The following ZZEF1 variants were observed in gnomAD, a reference collection of about 807,000 sequenced individuals.
ZZEF1 encodes the protein zinc finger ZZ-type and EF-hand domain containing 1.
Under a neutral mutation model 342.8 loss-of-function variants are expected in ZZEF1, and 157 were observed. The observed-to-expected ratio is 0.46, with a 90% CI of 0.40 to 0.52. The LOEUF (loss-of-function observed/expected upper bound fraction) is 0.52, where lower values mean the gene tolerates loss of function less well. Ranked by LOEUF, ZZEF1 falls within the 20% of genes least tolerant of loss-of-function variation. ZZEF1 has a pLI of 0.00. For synonymous variants in ZZEF1, 1,505 were observed against 1,429.1 expected (o/e 1.05, Z -1.20); for missense variants, 3,480 against 3,725.6 (o/e 0.93, Z 1.72).
At chr17:4,084,739 A>G (rs1597868007) in intron 16 of ZZEF1, among the ~76,000 whole-genome samples, 1 of 152,322 alleles carries the variant, frequency 6.6e-6, no homozygotes, top group Non-Finnish European at 1.5e-5. Flanking sequence ...TACTAAAAGC[A>G]TTTTTCACCC....
In ZZEF1 at chr17:4,017,911, C is replaced by T; in HGVS notation, c.7566G>A (p.Gln2522=). The T allele has an allele frequency of 6.2e-7, 1 of 1,614,164 alleles. No individual in the cohort carries two copies. Among genetic ancestry groups the T allele is most frequent in the Non-Finnish European group, 8.5e-7 (1 of 1,180,056 alleles). The change falls in exon 47 of 55, where the codon CAG becomes CAA. Residue 2522 remains glutamine, a synonymous_variant. Transcript: ENST00000381638. This position sits in a 1 kb window ranked among gnomAD's most constrained non-coding sequence, Gnocchi z 5.1. ...CTTCCAGCCTCAGACTCTTACTGGG[C>T]TGCCACCGCTGAGCCAGGGACCGTA... ...ERIRSLAQRW[Q]PSKSLRLEEQ... is the part of the protein sequence containing the mutation.
At position 4,064,455 on chromosome 17, in the gene ZZEF1, C is replaced by T; in HGVS notation, c.4624G>A (p.Glu1542Lys). Reference sequence around the variant, plus strand: ...ACTGTGGGCACCAGTCTGGCCTCCTCCATGGATCGAAAGGAGAGCAGCCGG... The same window carrying T: ...ACTGTGGGCACCAGTCTGGCCTCCTTCATGGATCGAAAGGAGAGCAGCCGG... ...RLRLLSFRSM[E>K]EARLVPTVKE... is the part of the protein sequence containing the mutation. Residue 1542 changes from glutamate (E) to lysine (K), a missense_variant, in exon 29 of 55, where the codon GAG (glutamate) becomes AAG (lysine). Glu to Lys is a moderately conservative substitution (Grantham distance 56). Transcript: ENST00000381638. 6.2e-7 allele frequency: 1 copy of T among 1,614,172 alleles called. No individual in the cohort carries two copies. Among genetic ancestry groups the T allele is most frequent in the South Asian group, 1.1e-5 (1 of 91,074 alleles).
At chr17:4,072,351 T>G (rs2057526155) in intron 25 of ZZEF1, among the ~76,000 whole-genome samples, 1 of 152,158 alleles carries the variant, frequency 6.6e-6, no homozygotes, top group African/African-American at 2.4e-5. Context: ...GCCTGATAAC[T>G]CCATCAACAG....
rs540972283 is a variant in ZZEF1 at position 4,012,102 on chromosome 17, A to G, written c.8579+1347T>C. 7.2e-5 allele frequency among the ~76,000 whole-genome samples: 11 copies of G among 152,360 alleles called. No individual in the cohort carries two copies. In the South Asian group the frequency reaches 1.9e-3, roughly 26 times the overall value. ...GCCAGCAGACTGTGCAGGCTGCGGC[A>G]CAGGTCTTCTTTCCTGCTGCAGGCA... On this transcript the variant is annotated intron_variant, in intron 52 of 54. Transcript: ENST00000381638.
At position 4,014,784 on chromosome 17, in the gene ZZEF1, C is replaced by A. The variant is rs1295222750; in HGVS notation, c.8146-269G>T. Among the ~76,000 whole-genome samples, 1 of 152,106 alleles carries A rather than the reference C, an allele frequency of 6.6e-6. No individual in the cohort carries two copies. On this transcript the variant is annotated intron_variant, in intron 49 of 54. Coordinates refer to ENST00000381638, the MANE Select transcript of ZZEF1 (RefSeq NM_015113.4). The surrounding 1 kb of genome is among the most constrained non-coding windows in gnomAD (Gnocchi z 4.4). ...GAAGAGTGAAGAGGACAGGAGGACC[C>A]TGTTAGGAGAAGGCGGGAGTGGGAG...
Position 4,086,479 on chromosome 17 carries a change from TC to T in ZZEF1, c.2512+6del. On this transcript the variant is annotated splice_donor_region_variant and intron_variant, in intron 15 of 54. Coordinates refer to ENST00000381638, the MANE Select transcript of ZZEF1 (RefSeq NM_015113.4). ...GGTTGTATTAAAGAGAAAACCCAAA[TC>T]CCTACCATCACACAAGTGTGTGTAC... The T allele has an allele frequency of 6.2e-7, 1 of 1,613,962 alleles. No homozygotes were observed.
At chr17:4,102,669 G>A (rs1258532539) in intron 8 of ZZEF1, among the ~76,000 whole-genome samples, 1 of 152,020 alleles carries the variant, frequency 6.6e-6, no homozygotes, top group East Asian at 1.9e-4. Context: ...TCATTGTTCT[G>A]AAAAAAGGAC....
Position 4,049,856 on chromosome 17 carries a change from A to T in ZZEF1, c.5867T>A (p.Leu1956His), listed in dbSNP as rs2057007849. ...TACACCCAGCAAAGCTAGAGCTTTA[A>T]GGCCTATGTGGGAAGCAAATCAGAG... Reference protein sequence around the residue: ...CLMKAHQGKGLKALALLGVLP... With the variant: ...CLMKAHQGKGHKALALLGVLP... The change falls in exon 37 of 55, where the codon CTT (leucine) becomes CAT (histidine). Residue 1956 changes from leucine (L) to histidine (H), a missense_variant. Leu to His is a moderately conservative substitution (Grantham distance 99). This residue lies in a region of ZZEF1 where 1,269 missense variants were observed against 1,342.4 expected (regional missense o/e 0.95). Transcript: ENST00000381638. 6.2e-7 allele frequency: 1 copy of T among 1,613,976 alleles called. No homozygotes were observed. Among genetic ancestry groups the T allele is most frequent in the Non-Finnish European group, 8.5e-7 (1 of 1,179,948 alleles).
At chr17:4,108,645 T>C (rs1198207573) in intron 6 of ZZEF1, among the ~76,000 whole-genome samples, 10 of 152,168 alleles carry the variant, frequency 6.6e-5, no homozygotes, top group Non-Finnish European at 4.4e-5. Flanking sequence ...TGTTCTTGTT[T>C]ACAGGAAATA....
At position 4,081,447 on chromosome 17, in the gene ZZEF1, C is replaced by T. The variant is rs747789229; in HGVS notation, c.2758G>A (p.Asp920Asn). 2.5e-6 allele frequency: 4 copies of T among 1,614,036 alleles called. No individual in the cohort carries two copies. The Admixed American group carries it at 5.0e-5, about 20-fold the overall frequency. Residue 920 changes from aspartate (D) to asparagine (N), a missense_variant, in exon 18 of 55, where the codon GAC becomes AAC. Asp to Asn is a conservative substitution (Grantham distance 23, BLOSUM62 1). Around this residue, in one of 5 missense-constraint regions of ZZEF1, gnomAD observed 1,528 missense variants for 1,624.1 expected, o/e 0.94. Coordinates refer to ENST00000381638, the MANE Select transcript of ZZEF1 (RefSeq NM_015113.4). ...TCACTGATGTTCATCTTGGCCAGGT[C>T]GTTCTTCTCAGGTAAAAGAAGAAGG... ...GGLLLLPEKN[D>N]LAKMNISEVL...
chr17:4,066,839 A>ATCCTATTCTACTCTGAAT (rs2307581), intron 27 of ZZEF1, among the ~76,000 whole-genome samples: 75,038 of 151,756 alleles, frequency 0.49, 20,843 homozygotes, highest in African/African-American at 0.77. Flanking sequence ...CCAAAATTTC[A>ATCCTATTCTACTCTGAAT]GAGGGGACAT....
At chr17:4,124,099 AG>A in intron 1 of ZZEF1, 48 bp from the exon 2 acceptor site, 1 of 1,533,134 alleles carries the variant, frequency 6.5e-7, no homozygotes, top group Non-Finnish European at 8.8e-7. Flanking sequence ...CAAGTAAACG[AG>A]GGCAGTTTCA....
Position 4,017,590 on chromosome 17 carries a change from C to A in ZZEF1, c.7782G>T (p.Glu2594Asp), listed in dbSNP as rs2676278. Residue 2594 changes from glutamate (E) to aspartate (D), a missense_variant, in exon 48 of 55, where the codon GAG (glutamate) becomes GAT (aspartate). Transcript: ENST00000381638. The surrounding 1 kb of genome is among the most constrained non-coding windows in gnomAD (Gnocchi z 5.1). ...CAGCCCTCTTACTCTTGCAGTTCAG[C>A]TCCTTGTGCAGGAGGGCGGCGCTCT... The part of the protein sequence containing the change: ...RSKSAALLHK[E>D]LNCKSKRAVR... 1 of 1,614,088 alleles carries A rather than the reference C, an allele frequency of 6.2e-7. No individual in the cohort carries two copies. Among genetic ancestry groups the A allele is most frequent in the Non-Finnish European group, 8.5e-7 (1 of 1,180,050 alleles).
chr17:4,070,722 T>C lies in ZZEF1; in HGVS notation c.4037A>G (p.Tyr1346Cys). The C allele has an allele frequency of 6.2e-7, 1 of 1,614,194 alleles. No individual in the cohort carries two copies. ...CTTCTCATATAAATCTGGAGTGCGATACACCAGAGCAGCAAAGGTGGCGTT... is the reference window on the plus strand; with the variant it reads ...CTTCTCATATAAATCTGGAGTGCGACACACCAGAGCAGCAAAGGTGGCGTT... Reference protein sequence around the residue: ...AVNATFAALVYRTPDLYEKLQ... With the variant: ...AVNATFAALVCRTPDLYEKLQ... Residue 1346 changes from tyrosine (Y) to cysteine (C), a missense_variant, in exon 26 of 55, where the codon TAT becomes TGT. Tyr to Cys is a radical substitution (Grantham distance 194). Around this residue, in one of 5 missense-constraint regions of ZZEF1, gnomAD observed 1,528 missense variants for 1,624.1 expected, o/e 0.94. Transcript: ENST00000381638.
At chr17:4,066,012 A>C (rs886282488) in intron 28 of ZZEF1, among the ~76,000 whole-genome samples, 7 of 152,016 alleles carry the variant, frequency 4.6e-5, no homozygotes, top group Admixed American at 4.6e-4. Context: ...AAAGAGGAAA[A>C]AAAAATTTGC....
chr17:4,136,517 G>C (rs941772540), intron 1 of ZZEF1, among the ~76,000 whole-genome samples: 12 of 152,142 alleles, frequency 7.9e-5, no homozygotes, highest in Non-Finnish European at 1.2e-4. Flanking sequence ...AAGTCAGCTG[G>C]CTTGAGAATG....
intron 23 of ZZEF1, 93 bp from the exon 24 acceptor site, chr17:4,074,444 T>A: frequency 7.6e-7 from 1 of 1,312,338 alleles, no homozygotes; most frequent in Non-Finnish European, 1.1e-6. Flanking sequence ...CATCTCAGTT[T>A]AAAATTGATC....
intron 1 of ZZEF1, among the ~76,000 whole-genome samples, chr17:4,133,458 T>A (rs9905803): frequency 0.15 from 23,450 of 152,052 alleles, 1,994 homozygotes; most frequent in African/African-American, 0.22. Context: ...GAAGACCAAA[T>A]GCTTAAAACC....
At chr17:4,111,157 A>AT (rs1251248971) in intron 5 of ZZEF1, among the ~76,000 whole-genome samples, 2 of 152,166 alleles carry the variant, frequency 1.3e-5, no homozygotes, top group East Asian at 3.8e-4. Context: ...ATACAGCTCT[A>AT]TTTTTTAGGA....
Sources: allele counts gnomAD v4.1 joint callset (sites outside exome capture counted in the v4.1 genomes callset), GRCh38; gene constraint gnomAD v4.1.1; regional missense constraint gnomAD v4.1.1; non-coding constraint Gnocchi (gnomAD v3.1); transcripts MANE v1.5; gene names NCBI Gene and HGNC (gene_info 2026-07-23, HGNC 2026-07-21).